The following ATP2C2 variants were observed in gnomAD, a reference collection of about 807,000 sequenced individuals.
ATP2C2 encodes calcium-transporting ATPase type 2C member 2.
In ATP2C2, 171 loss-of-function variants were observed where a neutral mutation model predicts 110.8. That is an observed-to-expected ratio of 1.54 (90% CI 1.36 to 1.75). The LOEUF (loss-of-function observed/expected upper bound fraction) is 1.75, where lower values mean the gene tolerates loss of function less well. Ranked by LOEUF, ATP2C2 falls within the 40% of genes most tolerant of loss-of-function variation. ATP2C2 has a pLI of 0.00. For missense variants in ATP2C2, 1,963 were observed against 1,235.0 expected (o/e 1.59, Z -8.84); for synonymous variants, 804 against 508.4 (o/e 1.58, Z -7.82).
chr16:84,393,459 G>C (rs974330058), intron 1 of ATP2C2, among the ~76,000 whole-genome samples: 1 of 152,164 alleles, frequency 6.6e-6, no homozygotes, highest in African/African-American at 2.4e-5. Context: ...ATTGGGTCCA[G>C]GGCTATGTCC....
intron 17 of ATP2C2, among the ~76,000 whole-genome samples, chr16:84,450,575 G>A (rs933363660): frequency 6.6e-6 from 1 of 152,172 alleles, no homozygotes; most frequent in Admixed American, 6.5e-5. Context: ...TCAGGGAGGG[G>A]AGGGGACCAT....
chr16:84,405,055 T>A (rs748110475), intron 2 of ATP2C2, 73 bp from the exon 3 acceptor site: 4 of 1,242,158 alleles, frequency 3.2e-6, no homozygotes, highest in Non-Finnish European at 4.7e-6. Context: ...CCTTTCAGAG[T>A]GGGAGTCTGT....
At chr16:84,406,117 G>A (rs1267473826) in intron 3 of ATP2C2, among the ~76,000 whole-genome samples, 2 of 152,364 alleles carry the variant, frequency 1.3e-5, no homozygotes, top group East Asian at 1.9e-4. Context: ...GTGCAGAGCA[G>A]TGCAGCCAGG....
intron 1 of ATP2C2, among the ~76,000 whole-genome samples, chr16:84,395,065 G>A (rs889513178): frequency 1.3e-5 from 2 of 152,122 alleles, no homozygotes; most frequent in Admixed American, 6.5e-5. Flanking sequence ...GATGGGCATC[G>A]GGCAGTGTCT....
chr16:84,438,933 G>T, intron 11 of ATP2C2: 3 of 491,802 alleles, frequency 6.1e-6, no homozygotes, highest in African/African-American at 1.9e-5. Flanking sequence ...TTAAGGTGTG[G>T]ATGACTGACA....
intron 23 of ATP2C2, chr16:84,460,159 T>G: frequency 5.0e-6 from 1 of 201,832 alleles, no homozygotes; most frequent in Non-Finnish European, 1.0e-5. Context: ...GGAGCAGAAG[T>G]GGGACCAGGA....
At chr16:84,414,594 G>T (rs1477531178) in intron 6 of ATP2C2, among the ~76,000 whole-genome samples, 1 of 152,194 alleles carries the variant, frequency 6.6e-6, no homozygotes, top group Non-Finnish European at 1.5e-5. Flanking sequence ...TCAAGGGCAG[G>T]GGTCTTAGCC....
At position 84,463,765 on chromosome 16, in the gene ATP2C2, T is replaced by C; in HGVS notation, c.*33T>C. The C allele has an allele frequency of 6.4e-7, 1 of 1,561,094 alleles. No individual in the cohort carries two copies. ...CACTCCGCGGCACCTTCCCTAATCA[T>C]CTCGATCTGGTTGTGACTGTGGCCC... On this transcript the variant is annotated 3_prime_UTR_variant, in exon 27 of 27. Coordinates refer to ENST00000262429, the MANE Select transcript of ATP2C2 (RefSeq NM_014861.4).
intron 11 of ATP2C2, 53 bp downstream of exon 11, chr16:84,425,854 A>G: frequency 6.3e-7 from 1 of 1,585,924 alleles, no homozygotes; most frequent in Non-Finnish European, 8.7e-7. Context: ...ATGGGCTCTG[A>G]GCCCTTCCCT....
At chr16:84,460,004 C>T (rs1237434239) in intron 23 of ATP2C2, 6 of 237,554 alleles carry the variant, frequency 2.5e-5, no homozygotes, top group South Asian at 6.3e-5. Flanking sequence ...GCCACGTGTG[C>T]GTAACCGTAT....
intron 10 of ATP2C2, among the ~76,000 whole-genome samples, chr16:84,424,143 T>C (rs1345389103): frequency 2.0e-5 from 3 of 152,092 alleles, no homozygotes; most frequent in Non-Finnish European, 2.9e-5. Context: ...ATGAGGGGGG[T>C]GCTGGTGAGT....
At chr16:84,460,527 C>G in intron 23 of ATP2C2, 127 bp from the exon 24 acceptor site, 1 of 1,326,018 alleles carries the variant, frequency 7.5e-7, no homozygotes, top group Non-Finnish European at 1.1e-6. Context: ...TGCCTGGGGG[C>G]GTTCAGCAAA....
intron 16 of ATP2C2, among the ~76,000 whole-genome samples, chr16:84,447,788 T>G (rs978298781): frequency 4.8e-5 from 7 of 146,890 alleles, no homozygotes; most frequent in African/African-American, 1.7e-4. Context: ...ATATAATACA[T>G]ATAAATAATA....
chr16:84,461,009 C>T (rs191410598), intron 24 of ATP2C2: 7 of 676,544 alleles, frequency 1.0e-5, no homozygotes, highest in Non-Finnish European at 1.6e-5. Context: ...CAGGTGTGTG[C>T]CTGGGAACTA....
intron 18 of ATP2C2, among the ~76,000 whole-genome samples, chr16:84,452,487 C>T (rs1298731712): frequency 1.4e-5 from 2 of 142,642 alleles, no homozygotes; most frequent in Non-Finnish European, 1.5e-5. Flanking sequence ...CAGCCCTTCT[C>T]CTCTAGTTAC....
At chr16:84,442,390 T>C in intron 14 of ATP2C2, 120 bp from the exon 15 acceptor site, 1 of 863,422 alleles carries the variant, frequency 1.2e-6, no homozygotes. Context: ...GACGCTGAGT[T>C]GTTTTAAAGA....
At chr16:84,382,648 C>A (rs1910645712) in intron 1 of ATP2C2, among the ~76,000 whole-genome samples, 1 of 152,156 alleles carries the variant, frequency 6.6e-6, no homozygotes, top group Non-Finnish European at 1.5e-5. Flanking sequence ...AATCCTAGCA[C>A]TTTGGGAGGC....
intron 17 of ATP2C2, among the ~76,000 whole-genome samples, chr16:84,450,844 C>G (rs1910193731): frequency 6.6e-6 from 1 of 152,082 alleles, no homozygotes; most frequent in African/African-American, 2.4e-5. Context: ...TACCGCGCCC[C>G]CAAGACTGCT....
At chr16:84,461,577 G>A (rs1911340896) in intron 24 of ATP2C2, 137 bp from the exon 25 acceptor site, 6 of 773,028 alleles carry the variant, frequency 7.8e-6, no homozygotes, top group African/African-American at 6.8e-5. Flanking sequence ...CCTGGAGGAA[G>A]CTGTGTGACC....
Sources: allele counts gnomAD v4.1 joint callset (sites outside exome capture counted in the v4.1 genomes callset), GRCh38; gene constraint gnomAD v4.1.1; transcripts MANE v1.5; gene names NCBI Gene and HGNC (gene_info 2026-07-23, HGNC 2026-07-21).